Variants in MDM1 observed in about 807,000 individuals in gnomAD.
MDM1 encodes Mdm1 nuclear protein.
MDM1 carries 61 observed loss-of-function variants against 89.1 expected under a neutral mutation model. The observed-to-expected ratio is 0.68, with a 90% CI of 0.56 to 0.85. MDM1 has a LOEUF of 0.85. Among genes scored for constraint, MDM1 ranks in the 40% least tolerant of loss-of-function variants. The pLI, the probability that MDM1 is intolerant of heterozygous loss-of-function variation, is 0.00. For synonymous variants in MDM1, 290 were observed against 294.1 expected (o/e 0.99, Z 0.14); for missense variants, 820 against 846.5 (o/e 0.97, Z 0.39).
chr12:68,299,190 A>T (rs1871815878), intron 13 of MDM1, among the ~76,000 whole-genome samples: 1 of 152,184 alleles, frequency 6.6e-6, no homozygotes, highest in Admixed American at 6.5e-5. Context: ...CTACCCAAAA[A>T]AGAAGGAACC....
intron 10 of MDM1, among the ~76,000 whole-genome samples, chr12:68,314,136 C>CA (rs35410942): frequency 0.027 from 2,368 of 87,368 alleles, 83 homozygotes; most frequent in African/African-American, 0.1. Context: ...AACTCCGTCT[C>CA]AAAAAAAAAA....
intron 12 of MDM1, among the ~76,000 whole-genome samples, chr12:68,306,450 G>A (rs966969270): frequency 6.6e-6 from 1 of 151,816 alleles, no homozygotes; most frequent in African/African-American, 2.4e-5. Flanking sequence ...TATCAACAGA[G>A]TAAACGGACA....
intron 13 of MDM1, among the ~76,000 whole-genome samples, chr12:68,298,115 G>A (rs1025492664): frequency 6.6e-6 from 1 of 152,148 alleles, no homozygotes; most frequent in African/African-American, 2.4e-5. Flanking sequence ...AGCACCTCCT[G>A]ATTAGAGGCC....
At chr12:68,329,221 C>G (rs895010052) in intron 2 of MDM1, among the ~76,000 whole-genome samples, 1 of 152,166 alleles carries the variant, frequency 6.6e-6, no homozygotes, top group Non-Finnish European at 1.5e-5. Context: ...TAGCACCCTG[C>G]CGGAGAAGCA....
In MDM1 at chr12:68,295,344, A is replaced by T. The variant is rs377385135; in HGVS notation, c.2085T>A (p.Ile695=). 6.2e-7 allele frequency: 1 copy of T among 1,612,274 alleles called. No individual in the cohort carries two copies. The highest frequency in any genetic ancestry group is 1.3e-5 in the African/African-American group (1 of 74,870). ...GACTAGAAGCTGCAGAGCGAGCAGA[A>T]ATCTCAGACAATCTGTCCTCATCTG... ...NDEDEDRLSE[I]SARSAASSLR... Residue 695 remains isoleucine (I), a synonymous_variant, in exon 15 of 15, where the codon ATT becomes ATA. Coordinates refer to ENST00000682720, the MANE Select transcript of MDM1 (RefSeq NM_001354969.2).
intron 7 of MDM1, among the ~76,000 whole-genome samples, chr12:68,319,313 A>T (rs1874910513): frequency 1.3e-5 from 2 of 152,228 alleles, no homozygotes; most frequent in African/African-American, 4.8e-5. Flanking sequence ...CTTGGCATAG[A>T]ATTTCCAGTG....
intron 4 of MDM1, 79 bp from the exon 5 acceptor site, chr12:68,323,319 T>G: frequency 9.7e-7 from 1 of 1,031,116 alleles, no homozygotes; most frequent in Non-Finnish European, 1.4e-6. Flanking sequence ...TAACAAAACA[T>G]AAAGTTGAAT....
chr12:68,312,442 T>C (rs1873821642), intron 12 of MDM1, among the ~76,000 whole-genome samples: 1 of 152,190 alleles, frequency 6.6e-6, no homozygotes, highest in South Asian at 2.1e-4. Context: ...TCTTGTTGGC[T>C]GTACCTTCCA....
chr12:68,331,316 G>T (rs1026549325), intron 1 of MDM1, 95 bp from the exon 2 acceptor site: 1 of 776,474 alleles, frequency 1.3e-6, no homozygotes, highest in African/African-American at 1.7e-5. Context: ...CCTCCCAAAA[G>T]AGACTTAAGA....
chr12:68,316,282 C>T, intron 8 of MDM1, 29 bp from the exon 9 acceptor site: 2 of 1,585,620 alleles, frequency 1.3e-6, no homozygotes, highest in Non-Finnish European at 1.7e-6. Flanking sequence ...ACATCATATA[C>T]TATTGTAAAT....
chr12:68,331,196 A>G lies in MDM1; in HGVS notation c.44T>C (p.Phe15Ser), dbSNP rs1441726449. The change falls in exon 2 of 15, where the codon TTC becomes TCC. Residue 15 changes from phenylalanine (F) to serine (S), a missense_variant. Coordinates refer to ENST00000682720, the MANE Select transcript of MDM1 (RefSeq NM_001354969.2). The stretch of plus-strand genomic sequence containing the variant: ...GGACAAATAAGACTTTTTCCACAGG[A>G]AGTTCCTCTGGTATTCACTCAGCCC... ...FKGLSEYQRN[F>S]LWKKSYLSES... 1 of 1,607,456 alleles carries G rather than the reference A, an allele frequency of 6.2e-7. No individual in the cohort carries two copies. Among genetic ancestry groups the G allele is most frequent in the Non-Finnish European group, 8.5e-7 (1 of 1,173,976 alleles).
chr12:68,313,520 TC>T lies in MDM1; in HGVS notation c.1671del (p.Met557IlefsTer12). On this transcript the variant is annotated frameshift_variant, in exon 12 of 15. Transcript: ENST00000682720. LOFTEE classifies it high-confidence loss of function. ...GGAVLVSPSKMKPPAPEQRKR... is the reference protein window; with the variant it reads ...GGAVLVSPSKXKPPAPEQRKR... ...TTCCTCTGTTCTGGGGCTGGAGGCT[TC>T]ATCTTAGATGGAGACACTAAAACAG... 6.2e-7 allele frequency: 1 copy of T among 1,614,058 alleles called. No individual in the cohort carries two copies. Among genetic ancestry groups the T allele is most frequent in the Non-Finnish European group, 8.5e-7 (1 of 1,179,910 alleles).
At chr12:68,295,606 T>C (rs1036478531) in intron 14 of MDM1, among the ~76,000 whole-genome samples, 1 of 152,190 alleles carries the variant, frequency 6.6e-6, no homozygotes, top group African/African-American at 2.4e-5. Flanking sequence ...TATCGTTAAA[T>C]TTTTTTCCTT....
intron 12 of MDM1, among the ~76,000 whole-genome samples, chr12:68,306,455 C>T (rs759610842): frequency 3.3e-5 from 5 of 152,076 alleles, no homozygotes; most frequent in African/African-American, 4.8e-5. Flanking sequence ...ACAGAGTAAA[C>T]GGACATCTTA....
chr12:68,317,328 T>G (rs1185972295), intron 7 of MDM1, among the ~76,000 whole-genome samples: 5 of 152,148 alleles, frequency 3.3e-5, no homozygotes, highest in Admixed American at 6.5e-5. Flanking sequence ...GTTCAGTATC[T>G]TTATTTAATC....
intron 3 of MDM1, 77 bp downstream of exon 3, chr12:68,326,580 T>G: frequency 6.2e-7 from 1 of 1,613,690 alleles, no homozygotes; most frequent in Non-Finnish European, 8.5e-7. Context: ...AAACACAAAA[T>G]GTAATATTAC....
chr12:68,304,347 C>T (rs1476566102), intron 12 of MDM1, among the ~76,000 whole-genome samples: 1 of 152,180 alleles, frequency 6.6e-6, no homozygotes, highest in Admixed American at 6.5e-5. Context: ...GTAATTGTTG[C>T]CTTCACTTAT....
chr12:68,321,519 A>C lies in MDM1; in HGVS notation c.905+6T>G, dbSNP rs1381287279. On this transcript the variant is annotated splice_donor_region_variant and intron_variant, in intron 6 of 14. Transcript: ENST00000682720. ...AAATACCATATTTTCCTATTAAAAT[A>C]CATACCCAAGCCTTTGATGTTTCCA... 1 of 1,611,652 alleles carries C rather than the reference A, an allele frequency of 6.2e-7. No homozygotes were observed. The highest frequency in any genetic ancestry group is 1.3e-5 in the African/African-American group (1 of 74,724).
chr12:68,327,463 A>G (rs758791203), intron 2 of MDM1: 1 of 1,535,950 alleles, frequency 6.5e-7, no homozygotes, highest in South Asian at 1.2e-5. Flanking sequence ...ATGAGAAGGG[A>G]TGAGATGTCA....
Sources: allele counts gnomAD v4.1 joint callset (sites outside exome capture counted in the v4.1 genomes callset), GRCh38; gene constraint gnomAD v4.1.1; transcripts MANE v1.5; gene names NCBI Gene and HGNC (gene_info 2026-07-23, HGNC 2026-07-21).